The following ADCK2 variants were observed in gnomAD, a reference collection of about 807,000 sequenced individuals.
ADCK2 encodes uncharacterized aarF domain-containing protein kinase 2.
Under a neutral mutation model 52.3 loss-of-function variants are expected in ADCK2, and 37 were observed. The ratio of observed to expected loss-of-function variants is 0.71; its 90% CI spans 0.54 to 0.93. The LOEUF (loss-of-function observed/expected upper bound fraction) is 0.93. ADCK2 is among the 40% of genes least tolerant of loss of function. The pLI is 0.00. For synonymous variants in ADCK2, 321 were observed against 349.2 expected (o/e 0.92, Z 0.90); for missense variants, 695 against 798.7 (o/e 0.87, Z 1.56).
chr7:140,690,035 C>T (rs1019590297), intron 6 of ADCK2, among the ~76,000 whole-genome samples: 7 of 152,204 alleles, frequency 4.6e-5, no homozygotes, highest in African/African-American at 1.4e-4. Context: ...GTGCCCAATG[C>T]GCATGTCCCT....
At chr7:140,687,324 A>G (rs1585852026) in intron 5 of ADCK2, 83 bp downstream of exon 5, 2 of 1,467,972 alleles carry the variant, frequency 1.4e-6, no homozygotes, top group East Asian at 5.0e-5. Flanking sequence ...TCAGACCTGT[A>G]ATCCCAGCAC....
Position 140,674,219 on chromosome 7 carries a change from G to A in ADCK2, c.889G>A (p.Gly297Ser), listed in dbSNP as rs1801692822. The change falls in exon 1 of 8, where the codon GGC (glycine) becomes AGC (serine). Residue 297 changes from glycine to serine, a missense_variant. Coordinates refer to ENST00000072869, the MANE Select transcript of ADCK2 (RefSeq NM_052853.4). This position sits in a 1 kb window ranked among gnomAD's most constrained non-coding sequence, Gnocchi z 4.6. ...NAGVSRAQVP[G>S]HQPEATNLIS... ...AGGGGTGTCTCGGGCTCAGGTCCCT[G>A]GCCACCAACCTGAGGCCACCAACCT... The A allele has an allele frequency of 6.2e-7, 1 of 1,613,670 alleles. No individual in the cohort carries two copies. The highest frequency in any genetic ancestry group is 1.7e-5 in the Admixed American group (1 of 59,980).
intron 4 of ADCK2, among the ~76,000 whole-genome samples, chr7:140,683,720 C>T (rs939958040): frequency 1.3e-5 from 2 of 152,098 alleles, no homozygotes; most frequent in African/African-American, 2.4e-5. Flanking sequence ...GGACATCTGG[C>T]GATGTCTGGA....
In ADCK2 at chr7:140,674,978, CAT is replaced by C. The variant is rs1794371526; in HGVS notation, c.1080+222_1080+223del. Among the ~76,000 whole-genome samples the C allele has an allele frequency of 6.6e-6, 1 of 152,128 alleles. No homozygotes were observed. Among genetic ancestry groups the C allele is most frequent in the African/African-American group, 2.4e-5 (1 of 41,412 alleles). On this transcript the variant is annotated intron_variant, in intron 2 of 7. Transcript: ENST00000072869. The surrounding 1 kb of genome is among the most constrained non-coding windows in gnomAD (Gnocchi z 4.6). ...AAAGTTCTGGCCGGGCGTGGTGGCT[CAT>C]GTGTGTAATCCTAGGACTTTGGGAG...
In ADCK2 at chr7:140,686,984, T is replaced by C; in HGVS notation, c.1306-6T>C. On this transcript the variant is annotated splice_region_variant and splice_polypyrimidine_tract_variant and intron_variant, in intron 4 of 7. Transcript: ENST00000072869. ...CTCACTCATGAGCATTGTGATCTCC[T>C]TCCAGATATTTGTGGATAACTTTGT... 1 of 1,611,590 alleles carries C rather than the reference T, an allele frequency of 6.2e-7. No individual in the cohort carries two copies. The highest frequency in any genetic ancestry group is 8.5e-7 in the Non-Finnish European group (1 of 1,177,788).
Position 140,693,848 on chromosome 7 carries a change from C to T in ADCK2, c.1741-815C>T, listed in dbSNP as rs564262423. 1.3e-5 allele frequency among the ~76,000 whole-genome samples: 2 copies of T among 152,162 alleles called. No homozygotes were observed. Among genetic ancestry groups the T allele is most frequent in the Admixed American group, 1.3e-4 (2 of 15,290 alleles). The stretch of plus-strand genomic sequence containing the variant: ...CCTCAGCCTCCCGAGTAGCTGAGAC[C>T]ACAGGCGCCTGCCACCATGCCCGGC... On this transcript the variant is annotated intron_variant, in intron 7 of 7. Transcript: ENST00000072869. The surrounding 1 kb of genome is among the most constrained non-coding windows in gnomAD (Gnocchi z 4.0).
Position 140,689,725 on chromosome 7 carries a change from G to A in ADCK2, c.1686G>A (p.Lys562=), listed in dbSNP as rs777441004. 2 of 1,610,284 alleles carry A rather than the reference G, an allele frequency of 1.2e-6. No homozygotes were observed. Among genetic ancestry groups the A allele is most frequent in the South Asian group, 1.1e-5 (1 of 90,528 alleles). Residue 562 remains lysine (K), a splice_region_variant and synonymous_variant, in exon 6 of 8, where the codon AAG becomes AAA. Transcript: ENST00000072869. ...GGAAGAACACCATCACCCTGGAGAA[G>A]GTGGGCAGGTCACTTGCGGAACAGG... The part of the protein sequence containing the change: ...QARKNTITLE[K]LHVSSLLSSV...
Position 140,673,876 on chromosome 7 carries a change from T to C in ADCK2, c.546T>C (p.Thr182=), listed in dbSNP as rs143169846. 583 of 1,613,960 alleles carry C rather than the reference T, an allele frequency of 3.6e-4. No individual in the cohort carries two copies. Among genetic ancestry groups the C allele is most frequent in the Non-Finnish European group, 4.7e-4 (558 of 1,180,040 alleles). Residue 182 remains threonine, a synonymous_variant, in exon 1 of 8, where the codon ACT becomes ACC. Transcript: ENST00000072869. The surrounding 1 kb of genome is among the most constrained non-coding windows in gnomAD (Gnocchi z 6.4). Reference sequence around the variant, plus strand: ...TGACGCCCCACCCGTGGACTCACACTGAGCGCTTCCTTCGGCAGGCTTTTG... The same window carrying C: ...TGACGCCCCACCCGTGGACTCACACCGAGCGCTTCCTTCGGCAGGCTTTTG... ...VRVTPHPWTH[T]ERFLRQAFGD... is the part of the protein sequence containing the mutation.
At chr7:140,694,303 C>A (rs1429174038) in intron 7 of ADCK2, among the ~76,000 whole-genome samples, 3 of 152,134 alleles carry the variant, frequency 2.0e-5, no homozygotes, top group African/African-American at 7.2e-5. Flanking sequence ...TAAATAAATA[C>A]ATACATACAT....
Position 140,694,995 on chromosome 7 carries a change from A to G in ADCK2, c.*192A>G, listed in dbSNP as rs568111033. 4.6e-5 allele frequency: 61 copies of G among 1,335,502 alleles called. No individual in the cohort carries two copies. The African/African-American group carries it at 8.0e-4, about 18-fold the overall frequency. 82.7% of individuals were successfully genotyped at this position (1,335,502 alleles called of 1,614,324 possible). ...AAAAGCTTTGGGCCAATTAGGGAGT[A>G]AAAGGAGGGAAGGGGCCTATCCATT... On this transcript the variant is annotated 3_prime_UTR_variant, in exon 8 of 8. Transcript: ENST00000072869.
intron 4 of ADCK2, among the ~76,000 whole-genome samples, chr7:140,681,945 A>G (rs1563207911): frequency 6.6e-6 from 1 of 152,212 alleles, no homozygotes; most frequent in Non-Finnish European, 1.5e-5. Flanking sequence ...TCAGTGGCTC[A>G]TGCTCTGTGT....
At chr7:140,686,081 C>T (rs140032902) in intron 4 of ADCK2, among the ~76,000 whole-genome samples, 232 of 152,116 alleles carry the variant, frequency 1.5e-3, no homozygotes, top group African/African-American at 5.2e-3. Flanking sequence ...GTTGAAGTAA[C>T]GGAGGGAAAG....
chr7:140,691,024 C>T (rs1794694921), intron 7 of ADCK2, among the ~76,000 whole-genome samples: 1 of 151,998 alleles, frequency 6.6e-6, no homozygotes, highest in Non-Finnish European at 1.5e-5. Context: ...TTCCTGGCTT[C>T]CAGTGATTCT....
At chr7:140,685,473 C>A (rs1009909912) in intron 4 of ADCK2, among the ~76,000 whole-genome samples, 2 of 151,700 alleles carry the variant, frequency 1.3e-5, no homozygotes, top group African/African-American at 4.8e-5. Context: ...AAAATGTATA[C>A]CAGGGCCAAG....
At chr7:140,694,265 C>T (rs1794757597) in intron 7 of ADCK2, among the ~76,000 whole-genome samples, 1 of 152,188 alleles carries the variant, frequency 6.6e-6, no homozygotes, top group Non-Finnish European at 1.5e-5. Flanking sequence ...GCCTAGGTGA[C>T]AGAGTGAGAC....
intron 7 of ADCK2, among the ~76,000 whole-genome samples, chr7:140,692,956 G>C (rs1273939752): frequency 6.6e-6 from 1 of 152,104 alleles, no homozygotes; most frequent in Non-Finnish European, 1.5e-5. Flanking sequence ...CAGTACACAA[G>C]GGGTCGTTTC....
At chr7:140,679,086 T>C in intron 2 of ADCK2, 69 bp from the exon 3 acceptor site, 1 of 1,571,370 alleles carries the variant, frequency 6.4e-7, no homozygotes, top group South Asian at 1.2e-5. Flanking sequence ...TGCTAGCTCC[T>C]TGGCATTGCA....
Position 140,689,689 on chromosome 7 carries a change from G to T in ADCK2, c.1650G>T (p.Val550=), listed in dbSNP as rs1417279679. The T allele has an allele frequency of 6.2e-7, 1 of 1,613,554 alleles. No homozygotes were observed. Among genetic ancestry groups the T allele is most frequent in the Non-Finnish European group, 8.5e-7 (1 of 1,179,760 alleles). Residue 550 remains valine, a synonymous_variant, in exon 6 of 8, where the codon GTG becomes GTT. Coordinates refer to ENST00000072869, the MANE Select transcript of ADCK2 (RefSeq NM_052853.4). ...TCAAAACCGAGATGGCCATGCTGGT[G>T]ACCCAGGCCAGGAAGAACACCATCA... ...EGFKTEMAML[V]TQARKNTITL... is the part of the protein sequence containing the mutation.
rs1476425588 is a variant in ADCK2, at chr7:140,673,072, C to A, written c.-259C>A. ...CCCGGGGCCTGGCTTCGCGTGGGTC[C>A]TGGCTCCTCCCGTTCCGCAGTTGGT... On this transcript the variant is annotated 5_prime_UTR_variant, in exon 1 of 8. In the 5' UTR this introduces an upstream ATG that the reference lacks. Transcript: ENST00000072869. This position sits in a 1 kb window ranked among gnomAD's most constrained non-coding sequence, Gnocchi z 6.4. 2.1e-4 allele frequency: 48 copies of A among 232,662 alleles called. No homozygotes were observed. Among genetic ancestry groups the A allele is most frequent in the African/African-American group, 1.0e-3 (45 of 43,172 alleles). 14.4% of individuals were successfully genotyped at this position (232,662 alleles called of 1,614,324 possible). A position where few individuals can be genotyped will look rare whatever the true frequency, so the allele number is the denominator to read the frequency against.
Sources: gnomAD v4.1 joint callset for allele counts (sites outside exome capture counted in the v4.1 genomes callset) on GRCh38, gnomAD v4.1.1 for gene constraint, Gnocchi (gnomAD v3.1) non-coding constraint, MANE v1.5 for transcripts, NCBI Gene and HGNC (gene_info 2026-07-23, HGNC 2026-07-21) for gene names.